SNX29: variants seen among roughly 807,000 people sequenced by gnomAD.
SNX29 encodes sorting nexin 29.
SNX29 carries 78 observed loss-of-function variants against 102.1 expected under a neutral mutation model. The ratio of observed to expected loss-of-function variants is 0.76; its 90% CI spans 0.64 to 0.92. SNX29 has a LOEUF of 0.92. Ranked by LOEUF, SNX29 falls within the 40% of genes least tolerant of loss-of-function variation. The probability of loss-of-function intolerance (pLI) is 0.00; values close to 1 mark genes in which losing one functional copy is unlikely to be tolerated. For missense variants in SNX29, 1,280 were observed against 1,061.7 expected (o/e 1.21, Z -2.86); for synonymous variants, 580 against 414.5 (o/e 1.40, Z -4.85).
chr16:12,523,613 G>A (rs2090182802), intron 19 of SNX29, among the ~76,000 whole-genome samples: 1 of 152,200 alleles, frequency 6.6e-6, no homozygotes, highest in Non-Finnish European at 1.5e-5. Flanking sequence ...AGAATGGTGG[G>A]CAGTAGCTCA....
intron 4 of SNX29, chr16:12,029,502 A>G: frequency 2.2e-6 from 1 of 453,598 alleles, no homozygotes; most frequent in Non-Finnish European, 4.4e-6. Flanking sequence ...GTATGGAGAA[A>G]TGAATTATTT....
At chr16:12,491,017 C>A (rs560258613) in intron 19 of SNX29, among the ~76,000 whole-genome samples, 37 of 152,322 alleles carry the variant, frequency 2.4e-4, no homozygotes, top group African/African-American at 7.2e-4. Context: ...GATACTTATT[C>A]TTTATGTAGC....
chr16:11,987,658 G>C (rs560100844), intron 1 of SNX29, among the ~76,000 whole-genome samples: 1 of 152,276 alleles, frequency 6.6e-6, no homozygotes, highest in South Asian at 2.1e-4. Context: ...GCTTCCCAAA[G>C]TGCTGGGATT....
chr16:12,248,846 G>C (rs1266047162), intron 14 of SNX29, among the ~76,000 whole-genome samples: 1 of 151,918 alleles, frequency 6.6e-6, no homozygotes, highest in African/African-American at 2.4e-5. Context: ...TGGTCTGTCT[G>C]ACTCCCCCAG....
At chr16:12,255,332 A>T (rs1354010313) in intron 14 of SNX29, among the ~76,000 whole-genome samples, 5 of 151,910 alleles carry the variant, frequency 3.3e-5, no homozygotes, top group Non-Finnish European at 7.4e-5. Flanking sequence ...AGTAGCTGGG[A>T]TTACAGGCAC....
intron 19 of SNX29, among the ~76,000 whole-genome samples, chr16:12,502,872 C>G (rs931979612): frequency 3.3e-5 from 5 of 152,188 alleles, no homozygotes; most frequent in East Asian, 1.9e-4. Flanking sequence ...TTAAAGGTCA[C>G]TACTTTAGAA....
chr16:12,302,188 A>G (rs1410634208), intron 15 of SNX29, among the ~76,000 whole-genome samples: 1 of 152,194 alleles, frequency 6.6e-6, no homozygotes, highest in African/African-American at 2.4e-5. Flanking sequence ...CGTCGTAACT[A>G]TTCACCTCCG....
At chr16:12,487,741 C>A (rs193129594) in intron 19 of SNX29, among the ~76,000 whole-genome samples, 66 of 152,300 alleles carry the variant, frequency 4.3e-4, no homozygotes, top group Admixed American at 4.1e-3. Flanking sequence ...CACCATCCCC[C>A]GCAACTGCTA....
At chr16:12,253,185 T>A (rs529206790) in intron 14 of SNX29, among the ~76,000 whole-genome samples, 166 of 152,294 alleles carry the variant, frequency 1.1e-3, no homozygotes, top group Non-Finnish European at 1.9e-3. Context: ...GGCGAGACAG[T>A]CATTCGGGCC....
chr16:12,468,429 C>G (rs1335455151), intron 18 of SNX29, among the ~76,000 whole-genome samples: 1 of 152,040 alleles, frequency 6.6e-6, no homozygotes, highest in African/African-American at 2.4e-5. Context: ...CCTGCCTTAG[C>G]CTGGGATTAC....
rs535010991 is a variant in SNX29, at chr16:12,454,308, G to A, written c.2038-23411G>A. Among the ~76,000 whole-genome samples the A allele has an allele frequency of 2.0e-5, 3 of 152,300 alleles. No homozygotes were observed. In the South Asian group the frequency reaches 6.2e-4, roughly 32 times the overall value. ...CCTCAGTCCCTGATGACTAAGGAGA[G>A]CAGCCATCCCAATTCTGGACTGCCT... On this transcript the variant is annotated intron_variant, in intron 18 of 20. Transcript: ENST00000566228.
At chr16:11,987,642 G>A (rs1222865730) in intron 1 of SNX29, among the ~76,000 whole-genome samples, 6 of 152,070 alleles carry the variant, frequency 3.9e-5, no homozygotes, top group African/African-American at 1.2e-4. Flanking sequence ...TGATCTGTCT[G>A]TCTTGGCTTC....
intron 16 of SNX29, among the ~76,000 whole-genome samples, chr16:12,391,413 C>A (rs1361866776): frequency 6.6e-6 from 1 of 152,188 alleles, no homozygotes; most frequent in Admixed American, 6.5e-5. Flanking sequence ...AGTACTGTTA[C>A]ATCATTTTCT....
At chr16:12,143,223 C>T (rs952102469) in intron 13 of SNX29, among the ~76,000 whole-genome samples, 1 of 151,820 alleles carries the variant, frequency 6.6e-6, no homozygotes, top group African/African-American at 2.4e-5. Flanking sequence ...TCTCGAACTC[C>T]CGACCTCAGG....
intron 18 of SNX29, among the ~76,000 whole-genome samples, chr16:12,453,431 C>G (rs1438031851): frequency 6.6e-6 from 1 of 152,214 alleles, no homozygotes; most frequent in Non-Finnish European, 1.5e-5. Context: ...AATTTATTTC[C>G]TCTTAAACAA....
rs186115744 is a variant in SNX29 at position 12,510,544 on chromosome 16, C to T, written c.2179-14158C>T. 5.4e-3 allele frequency among the ~76,000 whole-genome samples: 828 copies of T among 152,044 alleles called. 9 individuals carry two copies. The highest frequency in any genetic ancestry group is 0.019 in the African/African-American group (778 of 41,482). On this transcript the variant is annotated intron_variant, in intron 19 of 20. Transcript: ENST00000566228. ...AAAAATTAGCTGGGCGTTATGGCAC[C>T]GGCCTGTAGTCCCAGCTACTTGGGA...
intron 15 of SNX29, among the ~76,000 whole-genome samples, chr16:12,332,915 C>T (rs562000069): frequency 6.2e-4 from 95 of 152,032 alleles, no homozygotes; most frequent in Non-Finnish European, 1.2e-3. Flanking sequence ...CTCCTGGGCC[C>T]GCTTTGAGAC....
Position 12,043,060 on chromosome 16 carries a change from C to A in SNX29, c.411C>A (p.Ala137=). The A allele has an allele frequency of 1.2e-6, 2 of 1,613,316 alleles. No individual in the cohort carries two copies. Among genetic ancestry groups the A allele is most frequent in the Admixed American group, 1.7e-5 (1 of 60,000 alleles). Residue 137 remains alanine, a synonymous_variant, in exon 5 of 21, where the codon GCC becomes GCA. Transcript: ENST00000566228. ...AGCGCTACCTGCACATGCTCCTGGCCGACCGCTGCAGGCTGAGGTACGTGG... is the reference window on the plus strand; with the variant it reads ...AGCGCTACCTGCACATGCTCCTGGCAGACCGCTGCAGGCTGAGGTACGTGG... ...SLERYLHMLL[A]DRCRLSTFYE...
chr16:12,211,455 G>GT (rs1301861612), intron 14 of SNX29, among the ~76,000 whole-genome samples: 1 of 152,134 alleles, frequency 6.6e-6, no homozygotes, highest in African/African-American at 2.4e-5. Context: ...GGATGGGACT[G>GT]TTGCCTCCAT....
Sources: gnomAD v4.1 joint callset for allele counts (sites outside exome capture counted in the v4.1 genomes callset) on GRCh38, gnomAD v4.1.1 for gene constraint, MANE v1.5 for transcripts, NCBI Gene and HGNC (gene_info 2026-07-23, HGNC 2026-07-21) for gene names.